Variants in NPIPA3 observed in about 807,000 individuals in gnomAD.
NPIPA3 encodes the protein nuclear pore complex-interacting protein family member A3.
NPIPA3 carries 1 observed loss-of-function variant against 1.4 expected under a neutral mutation model. The observed-to-expected ratio is 0.73, with a 90% CI of 0.26 to 3.47. The LOEUF (loss-of-function observed/expected upper bound fraction) is 3.47. Among genes scored for constraint, NPIPA3 ranks in the 30% most tolerant of loss-of-function variants. The pLI is 0.19.
At chr16:14,722,180 A>G (rs1454279743) in intron 4 of NPIPA3, among the ~76,000 whole-genome samples, 1 of 31,892 alleles carries the variant, frequency 3.1e-5, no homozygotes, top group African/African-American at 5.0e-5. Context: ...CCCTGCTCCC[A>G]TTGCATTGTC....
chr16:14,718,824 C>G (rs1252571468), intron 2 of NPIPA3, among the ~76,000 whole-genome samples: 1 of 80,024 alleles, frequency 1.2e-5, no homozygotes, highest in Non-Finnish European at 3.0e-5. Flanking sequence ...TTGAAGTGTA[C>G]AGTTCAGTTG....
At chr16:14,713,324 ACACCAGCATAAACCAAC>A (rs1465474211) in intron 1 of NPIPA3, among the ~76,000 whole-genome samples, 39 of 142,828 alleles carry the variant, frequency 2.7e-4, no homozygotes, top group Middle Eastern at 3.8e-3. Flanking sequence ...GAAAGTACAT[ACACCAGCATAAACCAAC>A]CCCCGTTCAA....
intron 2 of NPIPA3, among the ~76,000 whole-genome samples, chr16:14,719,450 G>C (rs1471651668): frequency 5.0e-4 from 5 of 9,922 alleles, no homozygotes; most frequent in Admixed American, 2.3e-3. Context: ...GTGAGCCACC[G>C]TGCCAGCCTC....
intron 4 of NPIPA3, among the ~76,000 whole-genome samples, chr16:14,722,251 C>T (rs1403001573): frequency 1.9e-5 from 1 of 53,662 alleles, no homozygotes; most frequent in African/African-American, 3.7e-5. Flanking sequence ...TGAAGGATGC[C>T]CTGTGGTCAG....
intron 2 of NPIPA3, among the ~76,000 whole-genome samples, chr16:14,719,522 T>TGA (rs1555519215): frequency 2.5e-4 from 4 of 15,962 alleles, no homozygotes; most frequent in African/African-American, 4.1e-4. Context: ...TGTGTGTGTG[T>TGA]GACAGAGTCT....
At position 14,722,314 on chromosome 16, in the gene NPIPA3, A is replaced by G. The variant is rs1160826972; in HGVS notation, c.495-878A>G. On this transcript the variant is annotated intron_variant, in intron 4 of 7. Coordinates refer to ENST00000531598, the Ensembl canonical transcript of NPIPA3. ...AGTGTTTTCGTCTCTGTTTCCTAGC[A>G]TTCTGGGAATTTTACACATCCTTCC... Among the ~76,000 whole-genome samples, 3 of 58,026 alleles carry G rather than the reference A, an allele frequency of 5.2e-5. 1 individual carries two copies. The highest frequency in any genetic ancestry group is 7.0e-5 in the African/African-American group (2 of 28,730). 38.1% of individuals were successfully genotyped at this position (58,026 alleles called of 152,430 possible). A position where few individuals can be genotyped will look rare whatever the true frequency, so the allele number is the denominator to read the frequency against.
chr16:14,719,057 C>T (rs1961483142), intron 2 of NPIPA3, among the ~76,000 whole-genome samples: 1 of 11,474 alleles, frequency 8.7e-5, no homozygotes, highest in African/African-American at 1.6e-4. Flanking sequence ...CGGGGTTTCA[C>T]CATGTTGCCC....
At chr16:14,718,547 C>T (rs1386268790) in intron 2 of NPIPA3, among the ~76,000 whole-genome samples, 2 of 6,006 alleles carry the variant, frequency 3.3e-4, no homozygotes, top group South Asian at 3.3e-3. Context: ...GAAATCTTGG[C>T]GGGAATTCAG....
chr16:14,712,479 ACTCTTTTGGCTC>A (rs1961279633), intron 1 of NPIPA3, among the ~76,000 whole-genome samples: 1 of 11,236 alleles, frequency 8.9e-5, no homozygotes, highest in Non-Finnish European at 2.0e-4. Context: ...TGCGGTGGCT[ACTCTTTTGGCTC>A]CTCTTTTGGC....
chr16:14,718,846 T>G (rs1465243759), intron 2 of NPIPA3, among the ~76,000 whole-genome samples: 2 of 106,826 alleles, frequency 1.9e-5, no homozygotes, highest in African/African-American at 6.1e-5. Flanking sequence ...GTGAAGTATA[T>G]TCATGTCATT....
intron 2 of NPIPA3, among the ~76,000 whole-genome samples, chr16:14,718,891 A>G (rs1162337108): frequency 1.5e-5 from 1 of 67,856 alleles, no homozygotes; most frequent in Non-Finnish European, 3.5e-5. Flanking sequence ...ACGGAGTCTC[A>G]CTCTGTCACC....
chr16:14,722,016 C>T (rs1464158715), intron 4 of NPIPA3, among the ~76,000 whole-genome samples: 2 of 11,328 alleles, frequency 1.8e-4, no homozygotes, highest in African/African-American at 2.3e-4. Context: ...GCTTCAGATG[C>T]ACTTATGTCA....
At chr16:14,710,014 CATAT>C (rs1961236397) in intron 1 of NPIPA3, among the ~76,000 whole-genome samples, 1 of 67,046 alleles carries the variant, frequency 1.5e-5, no homozygotes, top group Non-Finnish European at 3.5e-5. Context: ...CACACACACA[CATAT>C]ATATATATAT....
Position 14,710,037 on chromosome 16 carries a change from T to A in NPIPA3, c.120+974T>A, listed in dbSNP as rs1172449435. Among the ~76,000 whole-genome samples, 419 of 80,374 alleles carry A rather than the reference T, an allele frequency of 5.2e-3. 27 individuals are homozygous for A. The highest frequency in any genetic ancestry group is 0.01 in the African/African-American group (254 of 25,198). The allele number at this position is 80,374 out of a possible 152,430, so 52.7% of individuals were successfully genotyped here. ...CACATATATATATATATATATATTT[T>A]TTTTTTTTTTTTGAGACAGAGTTTC... is the stretch of plus-strand genomic sequence containing the variant. On this transcript the variant is annotated intron_variant, in intron 1 of 7. Coordinates refer to ENST00000531598, the Ensembl canonical transcript of NPIPA3.
chr16:14,718,848 C>A (rs1251388689), intron 2 of NPIPA3, among the ~76,000 whole-genome samples: 143 of 104,334 alleles, frequency 1.4e-3, no homozygotes, highest in African/African-American at 4.3e-3. Flanking sequence ...GAAGTATATT[C>A]ATGTCATTTT....
intron 2 of NPIPA3, among the ~76,000 whole-genome samples, chr16:14,718,854 AT>A (rs1282647439): frequency 3.8e-5 from 3 of 78,310 alleles, no homozygotes; most frequent in Non-Finnish European, 6.0e-5. Context: ...TATTCATGTC[AT>A]TTTTTTTTTT....
chr16:14,718,854 A>ATTT (rs1282647439), intron 2 of NPIPA3, among the ~76,000 whole-genome samples: 2 of 78,306 alleles, frequency 2.6e-5, no homozygotes, highest in Admixed American at 1.2e-4. Flanking sequence ...TATTCATGTC[A>ATTT]TTTTTTTTTT....
At chr16:14,710,118 G>A (rs1371976246) in intron 1 of NPIPA3, among the ~76,000 whole-genome samples, 12 of 35,262 alleles carry the variant, frequency 3.4e-4, no homozygotes, top group East Asian at 1.4e-3. Context: ...TGCAACCTCC[G>A]TCTCCCGGGT....
In NPIPA3 at chr16:14,710,039, T is replaced by A. The variant is rs1402945147; in HGVS notation, c.120+976T>A. Among the ~76,000 whole-genome samples the A allele has an allele frequency of 8.6e-5, 7 of 80,972 alleles. 1 individual carries two copies. Among genetic ancestry groups the A allele is most frequent in the African/African-American group, 2.4e-4 (6 of 25,452 alleles). 53.1% of individuals were successfully genotyped at this position (80,972 alleles called of 152,430 possible). A position where few individuals can be genotyped will look rare whatever the true frequency, so the allele number is the denominator to read the frequency against. On this transcript the variant is annotated intron_variant, in intron 1 of 7. Coordinates refer to ENST00000531598, the Ensembl canonical transcript of NPIPA3. ...CATATATATATATATATATATTTTT[T>A]TTTTTTTTTTGAGACAGAGTTTCAC...
Sources: allele counts gnomAD v4.1 joint callset (sites outside exome capture counted in the v4.1 genomes callset), GRCh38; gene constraint gnomAD v4.1.1; transcripts MANE v1.5; gene names NCBI Gene and HGNC (gene_info 2026-07-23, HGNC 2026-07-21).